Variants in EYS observed in about 807,000 individuals in gnomAD.
The protein encoded by EYS is protein eyes shut homolog.
EYS carries 250 observed loss-of-function variants against 282.1 expected under a neutral mutation model. The observed-to-expected ratio is 0.89, with a 90% CI of 0.80 to 0.98. EYS has a LOEUF of 0.98. Ranked by LOEUF, EYS falls within the 50% of genes least tolerant of loss-of-function variation. EYS has a pLI of 0.00. For synonymous variants in EYS, 1,355 were observed against 1,282.9 expected (o/e 1.06, Z -1.20); for missense variants, 4,016 against 3,709.0 (o/e 1.08, Z -2.15).
chr6:65,607,954 A>T (rs1327924568), intron 2 of EYS, among the ~76,000 whole-genome samples: 1 of 152,060 alleles, frequency 6.6e-6, no homozygotes, highest in Non-Finnish European at 1.5e-5. Context: ...TTATAATTTC[A>T]TATTCTTATA....
intron 26 of EYS, among the ~76,000 whole-genome samples, chr6:64,553,201 G>A (rs562682219): frequency 2.6e-5 from 4 of 152,200 alleles, no homozygotes; most frequent in South Asian, 4.1e-4. Flanking sequence ...ATATTTTACA[G>A]AGTTTGACTC....
intron 22 of EYS, among the ~76,000 whole-genome samples, chr6:64,648,898 T>A (rs1037372325): frequency 2.0e-5 from 3 of 152,220 alleles, no homozygotes; most frequent in African/African-American, 7.2e-5. Context: ...TTACCAAGGT[T>A]ATATAATTGA....
chr6:63,935,525 G>C (rs1020365087), intron 35 of EYS, among the ~76,000 whole-genome samples: 1 of 152,112 alleles, frequency 6.6e-6, no homozygotes, highest in Non-Finnish European at 1.5e-5. Flanking sequence ...CTGGTTTCCT[G>C]TAAAAAAATT....
intron 22 of EYS, among the ~76,000 whole-genome samples, chr6:64,774,970 AGG>A (rs1164880013): frequency 1.9e-4 from 29 of 152,096 alleles, no homozygotes; most frequent in African/African-American, 6.7e-4. Flanking sequence ...TTTTGTCACT[AGG>A]GAAAGGTATT....
At chr6:65,543,626 A>G (rs767549368) in intron 2 of EYS, among the ~76,000 whole-genome samples, 5 of 151,900 alleles carry the variant, frequency 3.3e-5, no homozygotes, top group Non-Finnish European at 7.4e-5. Flanking sequence ...AATCACTTCA[A>G]TCTTTGTTAT....
At chr6:65,554,982 T>G (rs1307537968) in intron 2 of EYS, among the ~76,000 whole-genome samples, 17 of 150,346 alleles carry the variant, frequency 1.1e-4, no homozygotes. Context: ...ATAAAAATAT[T>G]GATTTTGTAC....
chr6:64,428,922 C>T (rs560780597), intron 28 of EYS, among the ~76,000 whole-genome samples: 22 of 152,176 alleles, frequency 1.4e-4, no homozygotes, highest in Middle Eastern at 3.4e-3. Context: ...ATAAATGCAG[C>T]TGCTATGTGC....
chr6:64,208,974 TCA>T (rs1311539845), intron 31 of EYS, among the ~76,000 whole-genome samples: 2 of 152,216 alleles, frequency 1.3e-5, no homozygotes, highest in Middle Eastern at 3.4e-3. Flanking sequence ...CTAGGCCTCT[TCA>T]GAGTTTAATT....
chr6:64,876,837 G>A (rs982473891), intron 19 of EYS, among the ~76,000 whole-genome samples: 3 of 152,060 alleles, frequency 2.0e-5, no homozygotes, highest in African/African-American at 4.8e-5. Context: ...AGATTAGAGA[G>A]GTAGCTAGGG....
At chr6:63,896,297 T>C (rs1442794988) in intron 35 of EYS, among the ~76,000 whole-genome samples, 1 of 152,224 alleles carries the variant, frequency 6.6e-6, no homozygotes, top group Non-Finnish European at 1.5e-5. Context: ...CTGAATCATT[T>C]GTTTTTAGGT....
intron 33 of EYS, among the ~76,000 whole-genome samples, chr6:64,029,936 A>G (rs545084714): frequency 6.6e-6 from 1 of 152,384 alleles, no homozygotes; most frequent in African/African-American, 2.4e-5. Flanking sequence ...CCCCCATTAA[A>G]TACCACAAGG....
chr6:65,353,078 A>G (rs1036074428), intron 9 of EYS, among the ~76,000 whole-genome samples: 1 of 151,790 alleles, frequency 6.6e-6, no homozygotes, highest in Non-Finnish European at 1.5e-5. Context: ...CTTTTTTTCT[A>G]AATAGGCTCA....
At chr6:64,158,859 G>T (rs1775013963) in intron 31 of EYS, among the ~76,000 whole-genome samples, 1 of 152,156 alleles carries the variant, frequency 6.6e-6, no homozygotes, top group Non-Finnish European at 1.5e-5. Flanking sequence ...GATGGCATGG[G>T]CTCAGGGTTA....
At chr6:64,092,559 A>AGTGTC (rs1772408076) in intron 31 of EYS, among the ~76,000 whole-genome samples, 1 of 152,126 alleles carries the variant, frequency 6.6e-6, no homozygotes, top group East Asian at 1.9e-4. Flanking sequence ...TCTTTTGAGA[A>AGTGTC]ATGTCTGTTC....
At chr6:63,928,898 ACAAT>A (rs1385982171) in intron 35 of EYS, among the ~76,000 whole-genome samples, 11 of 152,194 alleles carry the variant, frequency 7.2e-5, no homozygotes, top group East Asian at 1.9e-4. Context: ...TGCTGACAAC[ACAAT>A]CAGTCTTTAA....
At chr6:64,688,225 T>A (rs1030277594) in intron 22 of EYS, among the ~76,000 whole-genome samples, 2 of 152,152 alleles carry the variant, frequency 1.3e-5, no homozygotes, top group African/African-American at 4.8e-5. Context: ...TCTATCTCCT[T>A]CAGTTCTGCT....
intron 36 of EYS, among the ~76,000 whole-genome samples, chr6:63,847,190 AC>A (rs1772122115): frequency 6.6e-6 from 1 of 152,196 alleles, no homozygotes; most frequent in Non-Finnish European, 1.5e-5. Flanking sequence ...ATTATATAAG[AC>A]CACTTATCCT....
In EYS at chr6:64,275,462, T is replaced by TG. The variant is rs1348776728; in HGVS notation, c.6191+31507_6191+31508insC. On this transcript the variant is annotated intron_variant, in intron 30 of 42. Transcript: ENST00000503581. ...ATCATGTTCTATTTCTTTTTTTTTT[T>TG]TTCTTGAGACGGAGTCTCGCTCTGT... is the stretch of plus-strand genomic sequence containing the variant. Among the ~76,000 whole-genome samples the TG allele has an allele frequency of 6.6e-5, 10 of 150,722 alleles. 1 individual carries two copies. The highest frequency in any genetic ancestry group is 2.2e-4 in the African/African-American group (9 of 41,178).
chr6:64,927,705 AT>A (rs928476946), intron 15 of EYS, among the ~76,000 whole-genome samples: 41 of 152,098 alleles, frequency 2.7e-4, no homozygotes, highest in South Asian at 2.1e-3. Flanking sequence ...GATCTATATA[AT>A]TTTTTTATAT....
Sources: allele counts gnomAD v4.1 joint callset (sites outside exome capture counted in the v4.1 genomes callset), GRCh38; gene constraint gnomAD v4.1.1; transcripts MANE v1.5; gene names NCBI Gene and HGNC (gene_info 2026-07-23, HGNC 2026-07-21).